The following TMEFF2 variants were observed in gnomAD, a reference collection of about 807,000 sequenced individuals.
The protein encoded by TMEFF2 is tomoregulin-2.
A neutral mutation model predicts 53.8 loss-of-function variants in TMEFF2; 28 were observed. That is an observed-to-expected ratio of 0.52 (90% confidence interval 0.39 to 0.71). TMEFF2 has a LOEUF of 0.71. Ranked by LOEUF, TMEFF2 falls within the 30% of genes least tolerant of loss-of-function variation. The pLI, the probability that TMEFF2 is intolerant of heterozygous loss-of-function variation, is 0.00. For missense variants in TMEFF2, 353 were observed against 455.2 expected (o/e 0.78, Z 2.04); for synonymous variants, 162 against 166.3 (o/e 0.97, Z 0.20).
At chr2:192,090,387 A>G (rs1315250544) in intron 4 of TMEFF2, among the ~76,000 whole-genome samples, 3 of 152,188 alleles carry the variant, frequency 2.0e-5, no homozygotes, top group African/African-American at 7.2e-5. Context: ...GTACTAGTCC[A>G]TTCATAAAGT....
At chr2:192,080,035 T>A (rs1183192310) in intron 4 of TMEFF2, among the ~76,000 whole-genome samples, 1 of 152,186 alleles carries the variant, frequency 6.6e-6, no homozygotes, top group Admixed American at 6.6e-5. Context: ...TAAATGATGA[T>A]GACATAGTCC....
intron 3 of TMEFF2, among the ~76,000 whole-genome samples, chr2:192,180,069 C>T (rs1008961345): frequency 9.2e-5 from 14 of 151,450 alleles, no homozygotes; most frequent in African/African-American, 3.1e-4. Context: ...TAGTCTAATG[C>T]GTGTGGCAAA....
intron 4 of TMEFF2, among the ~76,000 whole-genome samples, chr2:192,139,308 A>G (rs1404091808): frequency 6.6e-6 from 1 of 152,202 alleles, no homozygotes; most frequent in African/African-American, 2.4e-5. Flanking sequence ...GGGAACAATG[A>G]TATATTGTTA....
intron 5 of TMEFF2, among the ~76,000 whole-genome samples, chr2:192,005,604 T>C (rs1012769934): frequency 2.0e-5 from 3 of 152,322 alleles, no homozygotes; most frequent in Admixed American, 6.5e-5. Flanking sequence ...TATACCGCAG[T>C]GAGGCTGGCT....
intron 7 of TMEFF2, among the ~76,000 whole-genome samples, chr2:191,960,772 G>A (rs1220682625): frequency 2.0e-5 from 3 of 152,202 alleles, no homozygotes; most frequent in Non-Finnish European, 4.4e-5. Flanking sequence ...TAGGTGGGCA[G>A]ATCTCCACTG....
intron 7 of TMEFF2, among the ~76,000 whole-genome samples, chr2:191,973,251 A>G (rs778674161): frequency 7.9e-5 from 12 of 152,194 alleles, no homozygotes; most frequent in Admixed American, 3.3e-4. Context: ...TGTCCATTAT[A>G]TAACGTAGGT....
Position 192,072,262 on chromosome 2 carries a change from T to C in TMEFF2, c.440-14487A>G, listed in dbSNP as rs1688309231. ...AAAAAGGTGCAAGAATATACCTAAG[T>C]TCTTGTATCCTTAAATAGGCCCAAT... On this transcript the variant is annotated intron_variant, in intron 4 of 9. Transcript: ENST00000272771. 7.9e-5 allele frequency among the ~76,000 whole-genome samples: 12 copies of C among 152,082 alleles called. No individual in the cohort carries two copies. In the South Asian group the frequency reaches 2.3e-3, roughly 29 times the overall value.
chr2:192,193,834 A>G (rs1368515746), intron 1 of TMEFF2, among the ~76,000 whole-genome samples: 1 of 150,758 alleles, frequency 6.6e-6, no homozygotes, highest in Admixed American at 6.6e-5. Flanking sequence ...CAGCTCCTCT[A>G]GAATCTGTGT....
Position 191,988,213 on chromosome 2 carries a change from A to G in TMEFF2, c.745+10049T>C, listed in dbSNP as rs561121783. Among the ~76,000 whole-genome samples the G allele has an allele frequency of 1.2e-4, 19 of 152,308 alleles. No homozygotes were observed. The South Asian group carries it at 3.9e-3, about 32-fold the overall frequency. On this transcript the variant is annotated intron_variant, in intron 7 of 9. Transcript: ENST00000272771. ...TAGAAGACAATGTGGACACTTTATT[A>G]AAACCATCTTACAGATAAGTTTCCC...
At chr2:192,012,859 A>G (rs1303834409) in intron 5 of TMEFF2, among the ~76,000 whole-genome samples, 1 of 152,242 alleles carries the variant, frequency 6.6e-6, no homozygotes, top group Non-Finnish European at 1.5e-5. Context: ...TAGAAAAATT[A>G]GTAAAAATGT....
chr2:191,997,835 T>C (rs1480400554), intron 7 of TMEFF2, among the ~76,000 whole-genome samples: 1 of 151,894 alleles, frequency 6.6e-6, no homozygotes, highest in Non-Finnish European at 1.5e-5. Context: ...ACAACCTGCA[T>C]TATTATTTGT....
chr2:191,997,751 T>A (rs1686257768), intron 7 of TMEFF2, among the ~76,000 whole-genome samples: 2 of 151,790 alleles, frequency 1.3e-5, no homozygotes, highest in African/African-American at 4.8e-5. Context: ...TACATTTTAG[T>A]TTCAAAATAA....
intron 4 of TMEFF2, among the ~76,000 whole-genome samples, chr2:192,168,120 T>C (rs2106019981): frequency 6.6e-6 from 1 of 152,288 alleles, no homozygotes; most frequent in East Asian, 1.9e-4. Flanking sequence ...TTTCTCTCCA[T>C]ATATCTTTGA....
chr2:192,053,290 T>A (rs1462877124), intron 5 of TMEFF2, among the ~76,000 whole-genome samples: 1 of 152,218 alleles, frequency 6.6e-6, no homozygotes, highest in Non-Finnish European at 1.5e-5. Context: ...TCTTCTGAAC[T>A]CAAAAACTCA....
chr2:192,084,265 C>T (rs557341209), intron 4 of TMEFF2, among the ~76,000 whole-genome samples: 9 of 152,212 alleles, frequency 5.9e-5, no homozygotes, highest in South Asian at 2.1e-4. Context: ...TCAAAACACC[C>T]GCAATATTTA....
At chr2:192,125,973 C>T (rs541112473) in intron 4 of TMEFF2, among the ~76,000 whole-genome samples, 10 of 152,242 alleles carry the variant, frequency 6.6e-5, no homozygotes, top group African/African-American at 1.7e-4. Flanking sequence ...CCACGGCACA[C>T]GTTTACTTAT....
intron 4 of TMEFF2, among the ~76,000 whole-genome samples, chr2:192,071,718 A>G (rs1688297722): frequency 6.6e-6 from 1 of 151,924 alleles, no homozygotes; most frequent in Admixed American, 6.6e-5. Flanking sequence ...ATACTACTAC[A>G]ATGTAAATGC....
intron 2 of TMEFF2, among the ~76,000 whole-genome samples, chr2:192,187,548 T>A (rs1691344697): frequency 6.6e-6 from 1 of 152,134 alleles, no homozygotes; most frequent in Non-Finnish European, 1.5e-5. Flanking sequence ...ACTGCTCAGT[T>A]TCAGATGAAG....
intron 5 of TMEFF2, among the ~76,000 whole-genome samples, chr2:192,005,781 C>T (rs576940148): frequency 6.6e-6 from 1 of 152,262 alleles, no homozygotes; most frequent in South Asian, 2.1e-4. Flanking sequence ...ATATTAATAA[C>T]AGTAAAAACA....
Sources: allele counts gnomAD v4.1 joint callset (sites outside exome capture counted in the v4.1 genomes callset), GRCh38; gene constraint gnomAD v4.1.1; transcripts MANE v1.5; gene names NCBI Gene and HGNC (gene_info 2026-07-23, HGNC 2026-07-21).